NCAM2: variants seen among roughly 807,000 people sequenced by gnomAD.
NCAM2 encodes the protein neural cell adhesion molecule 2, also known as N-CAM-2.
A neutral mutation model predicts 98.1 loss-of-function variants in NCAM2; 30 were observed. That is an observed-to-expected ratio of 0.31 (90% CI 0.23 to 0.41). The LOEUF (loss-of-function observed/expected upper bound fraction) is 0.41, where lower values mean the gene tolerates loss of function less well. Among genes scored for constraint, NCAM2 ranks in the 10% least tolerant of loss-of-function variants. The pLI, the probability that NCAM2 is intolerant of heterozygous loss-of-function variation, is 1.00. For missense variants in NCAM2, 867 were observed against 1,005.8 expected, an observed-to-expected ratio of 0.86 and a Z score of 1.87; for synonymous variants, 368 against 342.4, an observed-to-expected ratio of 1.07 and a Z score of -0.83.
chr21:21,415,628 C>G (rs1289866870), intron 10 of NCAM2, among the ~76,000 whole-genome samples: 2 of 152,180 alleles, frequency 1.3e-5, no homozygotes, highest in African/African-American at 4.8e-5. Context: ...AGCCACCTCG[C>G]CCGGCCCTTA....
intron 5 of NCAM2, among the ~76,000 whole-genome samples, chr21:21,317,579 T>G (rs1164865938): frequency 6.6e-6 from 1 of 152,166 alleles, no homozygotes; most frequent in Non-Finnish European, 1.5e-5. Context: ...CTTGCTCTGT[T>G]GACCAGGCAG....
chr21:21,080,087 C>T (rs967709100), intron 1 of NCAM2, among the ~76,000 whole-genome samples: 7 of 151,758 alleles, frequency 4.6e-5, no homozygotes, highest in African/African-American at 1.5e-4. Flanking sequence ...AATGAGCTTC[C>T]CAAACAAAAC....
intron 12 of NCAM2, among the ~76,000 whole-genome samples, chr21:21,437,649 G>A (rs150225814): frequency 1.1e-3 from 168 of 152,142 alleles, no homozygotes; most frequent in African/African-American, 3.8e-3. Context: ...CCATGCAAAA[G>A]CTCTGAGAAT....
chr21:21,409,279 A>T (rs1443410935), intron 9 of NCAM2, among the ~76,000 whole-genome samples: 1 of 152,152 alleles, frequency 6.6e-6, no homozygotes, highest in Non-Finnish European at 1.5e-5. Flanking sequence ...TAGATTTTTA[A>T]ATAAAATTAT....
intron 1 of NCAM2, among the ~76,000 whole-genome samples, chr21:21,066,167 T>C (rs904018022): frequency 6.6e-6 from 1 of 152,150 alleles, no homozygotes; most frequent in Non-Finnish European, 1.5e-5. Flanking sequence ...GAATTTGAAA[T>C]GTAAAAGAGA....
chr21:21,228,785 A>G (rs2070496318), intron 1 of NCAM2, among the ~76,000 whole-genome samples: 1 of 151,478 alleles, frequency 6.6e-6, no homozygotes, highest in African/African-American at 2.4e-5. Context: ...GCAGTTGGAT[A>G]TTAGTCATAT....
At chr21:21,167,535 T>C (rs8131094) in intron 1 of NCAM2, among the ~76,000 whole-genome samples, 48,835 of 151,844 alleles carry the variant, frequency 0.32, 9,117 homozygotes, top group Non-Finnish European at 0.44. Context: ...CAATGTTTAA[T>C]AAGATTAGAT....
At chr21:21,103,796 G>GA (rs1291893127) in intron 1 of NCAM2, among the ~76,000 whole-genome samples, 1 of 152,114 alleles carries the variant, frequency 6.6e-6, no homozygotes, top group Non-Finnish European at 1.5e-5. Context: ...GTAATTAGGT[G>GA]AAACTTGCCT....
intron 1 of NCAM2, among the ~76,000 whole-genome samples, chr21:21,212,241 C>G (rs1253459017): frequency 6.6e-6 from 1 of 152,122 alleles, no homozygotes; most frequent in East Asian, 1.9e-4. Context: ...ATAAACTAAA[C>G]TTGGAACAAT....
At chr21:21,281,718 G>T (rs1327233569) in intron 2 of NCAM2, among the ~76,000 whole-genome samples, 1 of 151,684 alleles carries the variant, frequency 6.6e-6, no homozygotes, top group Admixed American at 6.6e-5. Flanking sequence ...AAAATTAGTT[G>T]AGACTATTTT....
chr21:21,338,681 A>C, intron 8 of NCAM2, 147 bp downstream of exon 8: 3 of 811,196 alleles, frequency 3.7e-6, no homozygotes, highest in Non-Finnish European at 5.6e-6. Flanking sequence ...AACTAACACA[A>C]TGTCGGCTTT....
At chr21:21,235,186 TA>T (rs1273549465) in intron 1 of NCAM2, among the ~76,000 whole-genome samples, 2 of 151,766 alleles carry the variant, frequency 1.3e-5, no homozygotes, top group Non-Finnish European at 2.9e-5. Flanking sequence ...CATGCTTTAG[TA>T]AGAAAGATAT....
At position 21,284,196 on chromosome 21, in the gene NCAM2, A is replaced by G. The variant is rs1040877893; in HGVS notation, c.133A>G (p.Ile45Val). ...TTATTTTCCATGGCTCTTTGCAGCG[A>G]TTGGTGAACCTGAAAGTATAGATTG... ...GESKFFTCTA[I>V]GEPESIDWYN... Residue 45 changes from isoleucine (I) to valine (V), a missense_variant and splice_region_variant, in exon 3 of 18, where the codon ATT becomes GTT. By Grantham distance (29) the Ile-to-Val change is conservative. This residue lies in a region of NCAM2 where 447 missense variants were observed against 495.7 expected (regional missense o/e 0.90). Transcript: ENST00000400546. 1.2e-6 allele frequency: 2 copies of G among 1,609,370 alleles called. No homozygotes were observed. The highest frequency in any genetic ancestry group is 3.3e-5 in the Admixed American group (2 of 59,900).
intron 12 of NCAM2, among the ~76,000 whole-genome samples, chr21:21,465,232 C>G (rs953622633): frequency 4.6e-5 from 7 of 151,692 alleles, no homozygotes; most frequent in Non-Finnish European, 7.4e-5. Flanking sequence ...ACAGTACATT[C>G]AACAATGTAT....
In NCAM2 at chr21:21,208,209, A is replaced by G. The variant is rs574570343; in HGVS notation, c.56-72369A>G. Among the ~76,000 whole-genome samples, 14 of 152,338 alleles carry G rather than the reference A, an allele frequency of 9.2e-5. No homozygotes were observed. The South Asian group carries it at 2.9e-3, about 32-fold the overall frequency. On this transcript the variant is annotated intron_variant, in intron 1 of 17. Transcript: ENST00000400546. ...CAAGCTATAAATACTTCCAAGGTAT[A>G]AATTACAATAAAAAATGTTTAAAGT...
chr21:21,254,922 GTGTA>G (rs990354854), intron 1 of NCAM2, among the ~76,000 whole-genome samples: 7 of 145,328 alleles, frequency 4.8e-5, no homozygotes, highest in African/African-American at 1.3e-4. Flanking sequence ...GTGTGTGTGT[GTGTA>G]TGTGTACCCA....
At chr21:21,338,556 A>C (rs771754282) in intron 8 of NCAM2, 22 bp downstream of exon 8, 1 of 1,563,808 alleles carries the variant, frequency 6.4e-7, no homozygotes, top group Admixed American at 2.0e-5. Context: ...TCAATATGTA[A>C]TGGTTTCCAT....
At chr21:21,365,614 G>T (rs1312679816) in intron 8 of NCAM2, among the ~76,000 whole-genome samples, 2 of 152,004 alleles carry the variant, frequency 1.3e-5, no homozygotes, top group African/African-American at 4.8e-5. Flanking sequence ...TGACATACAT[G>T]ATGGTAGTAG....
intron 1 of NCAM2, among the ~76,000 whole-genome samples, chr21:21,113,758 T>C (rs1321565592): frequency 6.6e-6 from 1 of 152,186 alleles, no homozygotes; most frequent in Non-Finnish European, 1.5e-5. Flanking sequence ...ATTGTAAATG[T>C]TTAATGTGTA....
Sources: allele counts gnomAD v4.1 joint callset (sites outside exome capture counted in the v4.1 genomes callset), GRCh38; gene constraint gnomAD v4.1.1; regional missense constraint gnomAD v4.1.1; transcripts MANE v1.5; gene names NCBI Gene and HGNC (gene_info 2026-07-23, HGNC 2026-07-21).